SCN7A: variants seen among roughly 807,000 people sequenced by gnomAD.
SCN7A encodes sodium channel protein type 7 subunit alpha.
SCN7A carries 138 observed loss-of-function variants against 155.2 expected under a neutral mutation model. That is an observed-to-expected ratio of 0.89 (90% CI 0.77 to 1.02). The LOEUF is 1.02. Among genes scored for constraint, SCN7A ranks in the 50% least tolerant of loss-of-function variants. The pLI, the probability that SCN7A is intolerant of heterozygous loss-of-function variation, is 0.00. For missense variants in SCN7A, 2,058 were observed against 1,986.6 expected (o/e 1.04, Z -0.68); for synonymous variants, 693 against 649.0 (o/e 1.07, Z -1.03).
At chr2:166,427,715 G>T (rs932425216) in intron 18 of SCN7A, 73 bp downstream of exon 18, 2 of 1,367,016 alleles carry the variant, frequency 1.5e-6, no homozygotes, top group Admixed American at 4.4e-5. Flanking sequence ...TCCTGGTTTT[G>T]ACTTTCTGAA....
At chr2:166,452,201 T>C (rs1431956675) in intron 11 of SCN7A, among the ~76,000 whole-genome samples, 1 of 152,048 alleles carries the variant, frequency 6.6e-6, no homozygotes, top group Non-Finnish European at 1.5e-5. Flanking sequence ...TTAAAGATTC[T>C]GGGTTGTTTA....
At chr2:166,460,860 A>G (rs1171358436) in intron 10 of SCN7A, among the ~76,000 whole-genome samples, 1 of 152,074 alleles carries the variant, frequency 6.6e-6, no homozygotes, top group African/African-American at 2.4e-5. Flanking sequence ...TAGAGTTGGA[A>G]TTTGAAAAAC....
In SCN7A at chr2:166,405,394, G is replaced by C; in HGVS notation, c.*186C>G. 1 of 538,812 alleles carries C rather than the reference G, an allele frequency of 1.9e-6. No individual in the cohort carries two copies. The highest frequency in any genetic ancestry group is 3.2e-6 in the Non-Finnish European group (1 of 311,130). 33.4% of individuals were successfully genotyped at this position (538,812 alleles called of 1,614,324 possible). A position where few individuals can be genotyped will look rare whatever the true frequency, so the allele number is the denominator to read the frequency against. ...TTTAAACTCACTGCAGCAATATTAA[G>C]GATTCTCTTGATTTGTTAGATATAA... is the stretch of plus-strand genomic sequence containing the variant. On this transcript the variant is annotated 3_prime_UTR_variant, in exon 26 of 26. Transcript: ENST00000643258.
At chr2:166,418,284 CTTTTTT>C (rs71031244) in intron 20 of SCN7A, among the ~76,000 whole-genome samples, 5 of 60,674 alleles carry the variant, frequency 8.2e-5, no homozygotes, top group African/African-American at 2.2e-4. Context: ...CCCCGCCAGG[CTTTTTT>C]TTTTTTTTTT....
At chr2:166,446,735 C>A (rs1702071728) in intron 12 of SCN7A, among the ~76,000 whole-genome samples, 1 of 152,110 alleles carries the variant, frequency 6.6e-6, no homozygotes. Context: ...ATGGATGAAG[C>A]TGGAAACCAT....
At chr2:166,417,550 G>A (rs1701407038) in intron 20 of SCN7A, among the ~76,000 whole-genome samples, 1 of 151,564 alleles carries the variant, frequency 6.6e-6, no homozygotes, top group African/African-American at 2.4e-5. Flanking sequence ...TGGCAACAGA[G>A]CTAATTAGTA....
At chr2:166,491,684 A>G (rs774843852) in intron 1 of SCN7A, among the ~76,000 whole-genome samples, 17 of 122,738 alleles carry the variant, frequency 1.4e-4, no homozygotes, top group Non-Finnish European at 2.4e-4. Flanking sequence ...GAAAAGTGAC[A>G]TCTGTTTGTA....
chr2:166,469,899 C>A (rs1258495320), intron 7 of SCN7A, among the ~76,000 whole-genome samples: 1 of 151,878 alleles, frequency 6.6e-6, no homozygotes, highest in East Asian at 1.9e-4. Context: ...CAGAAAGAAG[C>A]CTGTAGGCTT....
intron 16 of SCN7A, among the ~76,000 whole-genome samples, 187 bp from the exon 17 acceptor site, chr2:166,429,461 TA>T (rs1023506560): frequency 1.3e-5 from 2 of 152,008 alleles, no homozygotes; most frequent in African/African-American, 2.4e-5. Flanking sequence ...AGTTGAAGTT[TA>T]AAAAAATATT....
intron 1 of SCN7A, among the ~76,000 whole-genome samples, chr2:166,488,441 T>A (rs918910556): frequency 2.0e-5 from 3 of 152,132 alleles, no homozygotes; most frequent in African/African-American, 7.2e-5. Flanking sequence ...AACGAAATTC[T>A]AAAGGATAGA....
intron 1 of SCN7A, among the ~76,000 whole-genome samples, chr2:166,491,127 T>C (rs1683092080): frequency 6.6e-6 from 1 of 152,210 alleles, no homozygotes; most frequent in Non-Finnish European, 1.5e-5. Context: ...CAGACTACTC[T>C]ACTCAGCACA....
intron 18 of SCN7A, among the ~76,000 whole-genome samples, chr2:166,427,501 A>T (rs889333565): frequency 6.6e-6 from 1 of 152,060 alleles, no homozygotes; most frequent in Non-Finnish European, 1.5e-5. Context: ...AGAATCCGGT[A>T]TCTATTCACA....
chr2:166,423,041 A>G (rs72623155), intron 19 of SCN7A, among the ~76,000 whole-genome samples: 16,772 of 152,174 alleles, frequency 0.11, 1,014 homozygotes, highest in East Asian at 0.22. Flanking sequence ...CAAGGTGATT[A>G]TTATAATAAC....
At chr2:166,419,443 G>A (rs777714725) in intron 20 of SCN7A, among the ~76,000 whole-genome samples, 7 of 148,210 alleles carry the variant, frequency 4.7e-5, no homozygotes, top group Admixed American at 1.4e-4. Flanking sequence ...CTGCAGCCTC[G>A]ACCTCCCAGC....
chr2:166,439,219 T>A (rs1701905383), intron 15 of SCN7A, among the ~76,000 whole-genome samples: 1 of 151,726 alleles, frequency 6.6e-6, no homozygotes, highest in African/African-American at 2.4e-5. Context: ...CTCTTATTAG[T>A]CATAGGATTT....
Position 166,405,452 on chromosome 2 carries a change from G to T in SCN7A, c.*128C>A. On this transcript the variant is annotated 3_prime_UTR_variant, in exon 26 of 26. Transcript: ENST00000643258. The stretch of plus-strand genomic sequence containing the variant: ...AAGTGAATTTGGCATGAAGTCTTGT[G>T]AATACAAGCTTAATTACCATCGGTT... The T allele has an allele frequency of 2.8e-6, 2 of 702,886 alleles. No individual in the cohort carries two copies. The highest frequency in any genetic ancestry group is 4.6e-6 in the Non-Finnish European group (2 of 430,186). 43.5% of individuals were successfully genotyped at this position (702,886 alleles called of 1,614,324 possible).
At chr2:166,465,694 A>T (rs748552556) in intron 8 of SCN7A, 87 bp downstream of exon 8, 21 of 1,432,056 alleles carry the variant, frequency 1.5e-5, no homozygotes, top group Non-Finnish European at 2.0e-5. Context: ...ATCTAACAAA[A>T]TGTTGAGTGT....
chr2:166,465,824 A>C lies in SCN7A; in HGVS notation c.828T>G (p.Asn276Lys), dbSNP rs753650755. The change falls in exon 8 of 26, where the codon AAT becomes AAG. Residue 276 changes from asparagine to lysine, a missense_variant. Asn to Lys is a moderately conservative substitution (Grantham distance 94). Coordinates refer to ENST00000643258, the MANE Select transcript of SCN7A (RefSeq NM_002976.4). ...KCFRWPQENE[N>K]ETLHNRTGNP... ...TTCCAGTTCTGTTGTGCAGGGTTTC[A>C]TTTTCATTCTCTTGGGGCCATCGAA... is the stretch of plus-strand genomic sequence containing the variant. 2.7e-5 allele frequency: 43 copies of C among 1,613,756 alleles called. No homozygotes were observed. In the Admixed American group the frequency reaches 7.0e-4, roughly 26 times the overall value.
chr2:166,443,992 T>C lies in SCN7A; in HGVS notation c.1627-316A>G, dbSNP rs1261823442. 2.0e-5 allele frequency among the ~76,000 whole-genome samples: 3 copies of C among 152,308 alleles called. No homozygotes were observed. The South Asian group carries it at 6.2e-4, about 32-fold the overall frequency. ...AGTTATTTTTGAGGTACAGAGTACATGATATGATATTTAATTTTTCATCCT... is the reference window on the plus strand; with the variant it reads ...AGTTATTTTTGAGGTACAGAGTACACGATATGATATTTAATTTTTCATCCT... On this transcript the variant is annotated intron_variant, in intron 13 of 25. Coordinates refer to ENST00000643258, the MANE Select transcript of SCN7A (RefSeq NM_002976.4).
Sources: gnomAD v4.1 joint callset for allele counts (sites outside exome capture counted in the v4.1 genomes callset) on GRCh38, gnomAD v4.1.1 for gene constraint, MANE v1.5 for transcripts, NCBI Gene and HGNC (gene_info 2026-07-23, HGNC 2026-07-21) for gene names.